NRG1: variants seen among roughly 807,000 people sequenced by gnomAD.
The protein encoded by NRG1 is neuregulin 1.
NRG1 carries 18 observed loss-of-function variants against 63.8 expected under a neutral mutation model. That is an observed-to-expected ratio of 0.28 (90% confidence interval 0.19 to 0.42). The LOEUF (loss-of-function observed/expected upper bound fraction) is 0.42, where lower values mean the gene tolerates loss of function less well. Ranked by LOEUF, NRG1 falls within the 10% of genes least tolerant of loss-of-function variation. The pLI, the probability that NRG1 is intolerant of heterozygous loss-of-function variation, is 1.00. For synonymous variants in NRG1, 302 were observed against 301.3 expected, an observed-to-expected ratio of 1.00 and a Z score of -0.02; for missense variants, 762 against 814.7, an observed-to-expected ratio of 0.94 and a Z score of 0.79.
intron 1 of NRG1, among the ~76,000 whole-genome samples, chr8:32,590,295 A>G (rs899786075): frequency 6.6e-6 from 1 of 152,196 alleles, no homozygotes; most frequent in Non-Finnish European, 1.5e-5. Flanking sequence ...AGATTTAGGC[A>G]CAGACTGCTT....
At chr8:32,554,874 C>G (rs1047307681) in intron 1 of NRG1, among the ~76,000 whole-genome samples, 2 of 151,684 alleles carry the variant, frequency 1.3e-5, no homozygotes, top group African/African-American at 4.8e-5. Flanking sequence ...GAGGGTGCTC[C>G]AGGAGCATCA....
chr8:32,632,007 G>T (rs1191716040), intron 5 of NRG1, among the ~76,000 whole-genome samples: 1 of 152,096 alleles, frequency 6.6e-6, no homozygotes, highest in Admixed American at 6.5e-5. Context: ...AAAGGTAAAT[G>T]CTGTGTTAAT....
At chr8:31,829,282 A>AT (rs1563453182) in intron 1 of NRG1, among the ~76,000 whole-genome samples, 1 of 152,162 alleles carries the variant, frequency 6.6e-6, no homozygotes, top group Non-Finnish European at 1.5e-5. Flanking sequence ...CCCAAGAGAG[A>AT]TTCACTTCTG....
chr8:32,061,388 G>C (rs546272434), intron 1 of NRG1, among the ~76,000 whole-genome samples: 4 of 151,826 alleles, frequency 2.6e-5, no homozygotes, highest in South Asian at 2.1e-4. Context: ...TCATAAAACT[G>C]TTTCTCAATG....
At chr8:32,664,930 T>A (rs1460754986) in intron 5 of NRG1, among the ~76,000 whole-genome samples, 1 of 152,180 alleles carries the variant, frequency 6.6e-6, no homozygotes, top group African/African-American at 2.4e-5. Flanking sequence ...AGGAAGTGAC[T>A]TGTGCTCCAA....
chr8:31,878,967 T>C lies in NRG1; in HGVS notation c.37+239536T>C, dbSNP rs1397411883. ...GTGAGCCGAGATCGCGCTACTGCACTCCAGCCTGGGCGACAGAGCAAGACT... is the reference window on the plus strand; with the variant it reads ...GTGAGCCGAGATCGCGCTACTGCACCCCAGCCTGGGCGACAGAGCAAGACT... On this transcript the variant is annotated intron_variant, in intron 1 of 10. Coordinates refer to the NRG1 transcript ENST00000519301. 5.3e-5 allele frequency among the ~76,000 whole-genome samples: 8 copies of C among 151,858 alleles called. No homozygotes were observed. The East Asian group carries it at 9.7e-4, about 18-fold the overall frequency.
intron 1 of NRG1, chr8:32,061,690 G>A (rs1482620248): frequency 6.6e-6 from 1 of 151,966 alleles, no homozygotes; most frequent in African/African-American, 2.4e-5. Context: ...AACTAGGAAA[G>A]TCACGTTTCA....
At chr8:31,936,036 G>A (rs1835273535) in intron 1 of NRG1, among the ~76,000 whole-genome samples, 2 of 152,080 alleles carry the variant, frequency 1.3e-5, no homozygotes, top group South Asian at 4.1e-4. Flanking sequence ...AGGAAAGAAT[G>A]GCCAATAGAA....
chr8:32,531,761 G>C (rs537059310), intron 1 of NRG1, among the ~76,000 whole-genome samples: 1 of 152,084 alleles, frequency 6.6e-6, no homozygotes, highest in African/African-American at 2.4e-5. Context: ...ATGAGAAAGC[G>C]CAAAATAATA....
chr8:32,197,602 GT>G, intron 1 of NRG1, among the ~76,000 whole-genome samples: 1 of 152,298 alleles, frequency 6.6e-6, no homozygotes, highest in East Asian at 1.9e-4. Context: ...GTTCCTTTCA[GT>G]TTTAACCTTT....
intron 1 of NRG1, among the ~76,000 whole-genome samples, chr8:32,037,729 C>T (rs550271400): frequency 2.6e-4 from 40 of 152,254 alleles, no homozygotes; most frequent in Non-Finnish European, 5.4e-4. Flanking sequence ...TGCTGTGCTG[C>T]GCTGTGGGGA....
At chr8:32,130,453 T>C (rs1834660264) in intron 1 of NRG1, among the ~76,000 whole-genome samples, 1 of 151,910 alleles carries the variant, frequency 6.6e-6, no homozygotes, top group South Asian at 2.1e-4. Context: ...TTTGGGAAAC[T>C]ACTTACTAAT....
At chr8:31,672,187 T>C (rs995707987) in intron 1 of NRG1, among the ~76,000 whole-genome samples, 2 of 152,104 alleles carry the variant, frequency 1.3e-5, no homozygotes, top group African/African-American at 4.8e-5. Context: ...GTACTGAGAA[T>C]GTTTCCTACC....
chr8:32,611,713 A>G (rs924529225), intron 3 of NRG1, among the ~76,000 whole-genome samples: 1 of 152,098 alleles, frequency 6.6e-6, no homozygotes, highest in Non-Finnish European at 1.5e-5. Flanking sequence ...TCTTTTAAAG[A>G]AATCACTTGA....
At chr8:32,525,388 A>AGGGG (rs201620757) in intron 1 of NRG1, among the ~76,000 whole-genome samples, 6 of 114,222 alleles carry the variant, frequency 5.3e-5, no homozygotes, top group Middle Eastern at 4.2e-3. Context: ...AGCATGAGGT[A>AGGGG]GGGGTGTGTG....
At chr8:32,096,296 T>C (rs1829894791) in intron 1 of NRG1, among the ~76,000 whole-genome samples, 2 of 152,214 alleles carry the variant, frequency 1.3e-5, no homozygotes, top group South Asian at 4.1e-4. Flanking sequence ...TAAAAATTTT[T>C]CGTTGATACA....
At chr8:32,603,753 G>A (rs757782241) in intron 2 of NRG1, among the ~76,000 whole-genome samples, 2 of 152,142 alleles carry the variant, frequency 1.3e-5, no homozygotes, top group Non-Finnish European at 2.9e-5. Flanking sequence ...GGGATTACAG[G>A]CGTGAGCCAC....
chr8:32,588,254 G>C (rs1333144331), intron 1 of NRG1, among the ~76,000 whole-genome samples: 1 of 152,116 alleles, frequency 6.6e-6, no homozygotes, highest in Non-Finnish European at 1.5e-5. Context: ...AGTCAGTTGA[G>C]TATGGTTTTC....
intron 1 of NRG1, among the ~76,000 whole-genome samples, chr8:31,938,303 C>G (rs1048949136): frequency 2.0e-5 from 3 of 152,094 alleles, no homozygotes; most frequent in Non-Finnish European, 4.4e-5. Flanking sequence ...CCCAGAAGAG[C>G]AAAAACAATC....
Sources: allele counts gnomAD v4.1 joint callset (sites outside exome capture counted in the v4.1 genomes callset), GRCh38; gene constraint gnomAD v4.1.1; transcripts MANE v1.5; gene names NCBI Gene and HGNC (gene_info 2026-07-23, HGNC 2026-07-21).